INPP5E: variants seen among roughly 807,000 people sequenced by gnomAD.
The protein encoded by INPP5E is phosphatidylinositol polyphosphate 5-phosphatase type IV.
A neutral mutation model predicts 50.5 loss-of-function variants in INPP5E; 34 were observed. The ratio of observed to expected loss-of-function variants is 0.67; its 90% confidence interval spans 0.51 to 0.90. The LOEUF (loss-of-function observed/expected upper bound fraction) is 0.90, where lower values mean the gene tolerates loss of function less well. INPP5E is among the 40% of genes least tolerant of loss of function. The pLI is 0.00. For missense variants in INPP5E, 942 were observed against 905.5 expected (o/e 1.04, Z -0.52); for synonymous variants, 447 against 406.0 (o/e 1.10, Z -1.21).
At chr9:136,435,138 G>C (rs1194755903) in intron 1 of INPP5E, among the ~76,000 whole-genome samples, 1 of 152,118 alleles carries the variant, frequency 6.6e-6, no homozygotes, top group Non-Finnish European at 1.5e-5. Context: ...TTTGGTGGTG[G>C]GATCCTGGAA....
intron 5 of INPP5E, 122 bp downstream of exon 5, chr9:136,432,834 A>G (rs777201892): frequency 1.9e-4 from 256 of 1,329,830 alleles, no homozygotes; most frequent in Non-Finnish European, 2.6e-4. Flanking sequence ...CGTGGTGCCC[A>G]CCCCACGGCC....
rs989109675 is a variant in INPP5E, at chr9:136,439,060, G to C, written c.360C>G (p.Gly120=). 16 of 1,567,794 alleles carry C rather than the reference G, an allele frequency of 1.0e-5. No individual in the cohort carries two copies. Among genetic ancestry groups the C allele is most frequent in the Non-Finnish European group, 1.4e-5 (16 of 1,157,226 alleles). ...SPSRGSVQSE[G]PGAPAHSCSP... ...AGCAGCTGTGGGCGGGGGCCCCGGG[G>C]CCCTCGCTCTGCACTGAGCCCCTGG... The change falls in exon 1 of 10, where the codon GGC becomes GGG. Residue 120 remains glycine (G), a synonymous_variant. Transcript: ENST00000371712.
In INPP5E at chr9:136,430,367, A is replaced by G; in HGVS notation, c.1712T>C (p.Val571Ala). Residue 571 changes from valine (V) to alanine (A), a missense_variant, in exon 9 of 10, where the codon GTG becomes GCG. Val to Ala is a moderately conservative substitution (Grantham distance 64). Coordinates refer to ENST00000371712, the MANE Select transcript of INPP5E (RefSeq NM_019892.6). ...RSRHKGDICP[V>A]SYSSCPGIKT... ...GATCCCGGGGCAGGAAGAGTAGCTCACAGGACAGATGTCACCCTTGTGGCG... is the reference window on the plus strand; with the variant it reads ...GATCCCGGGGCAGGAAGAGTAGCTCGCAGGACAGATGTCACCCTTGTGGCG... The G allele has an allele frequency of 6.4e-7, 1 of 1,556,030 alleles. No homozygotes were observed. Among genetic ancestry groups the G allele is most frequent in the Non-Finnish European group, 8.7e-7 (1 of 1,148,670 alleles).
intron 2 of INPP5E, 110 bp from the exon 3 acceptor site, chr9:136,434,244 A>C (rs943305786): frequency 2.6e-6 from 2 of 780,270 alleles, no homozygotes; most frequent in Admixed American, 4.2e-5. Flanking sequence ...GAATGAGGGG[A>C]AACTGAGGCC....
chr9:136,439,024 G>A lies in INPP5E; in HGVS notation c.396C>T (p.Cys132=). ...GGATTTCCTGCAAGGAGGTGCTCAG[G>A]CAGGGCGGGGAGCAGCTGTGGGCGG... is the stretch of plus-strand genomic sequence containing the variant. ...GAPAHSCSPP[C]LSTSLQEIPK... is the part of the protein sequence containing the mutation. Residue 132 remains cysteine (C), a synonymous_variant, in exon 1 of 10, where the codon TGC becomes TGT. Transcript: ENST00000371712. 1 of 1,585,270 alleles carries A rather than the reference G, an allele frequency of 6.3e-7. No individual in the cohort carries two copies. Among genetic ancestry groups the A allele is most frequent in the Middle Eastern group, 1.8e-4 (1 of 5,640 alleles).
rs990175466 is a variant in INPP5E at position 136,438,855 on chromosome 9, G to A, written c.565C>T (p.Leu189=). Residue 189 remains leucine (L), a synonymous_variant, in exon 1 of 10, where the codon CTG becomes TTG. Coordinates refer to ENST00000371712, the MANE Select transcript of INPP5E (RefSeq NM_019892.6). ...AGSSPRLPSL[L]PPRPPPALSL... ...AGGGCAGGCGGTGGGCGCGGGGGCA[G>A]CAGGCTGGGCAGCCTGGGCGAGCTC... is the stretch of plus-strand genomic sequence containing the variant. 1.2e-6 allele frequency: 2 copies of A among 1,600,134 alleles called. No individual in the cohort carries two copies. The highest frequency in any genetic ancestry group is 2.3e-5 in the East Asian group (1 of 44,268).
At chr9:136,433,402 T>C in intron 3 of INPP5E, 123 bp from the exon 4 acceptor site, 1 of 1,392,554 alleles carries the variant, frequency 7.2e-7, no homozygotes. Flanking sequence ...CCTTGGTGTC[T>C]TGCGCGGAGA....
intron 8 of INPP5E, 21 bp downstream of exon 8, chr9:136,430,981 G>T: frequency 6.6e-7 from 1 of 1,509,766 alleles, no homozygotes; most frequent in Non-Finnish European, 9.2e-7. Context: ...ACTCTGCACC[G>T]CAGCGGTGGG....
chr9:136,438,942 G>A lies in INPP5E; in HGVS notation c.478C>T (p.Pro160Ser). ...ERGSPSSGGNPLSGVASSSPN... is the reference protein window; with the variant it reads ...ERGSPSSGGNSLSGVASSSPN... Reference sequence around the variant, plus strand: ...GAGCTGCTGGCCACCCCAGAGAGAGGGTTACCCCCCGAGGACGGGCTCCCT... The same window carrying A: ...GAGCTGCTGGCCACCCCAGAGAGAGAGTTACCCCCCGAGGACGGGCTCCCT... The change falls in exon 1 of 10, where the codon CCT (proline) becomes TCT (serine). Residue 160 changes from proline to serine, a missense_variant. Transcript: ENST00000371712. 6.4e-7 allele frequency: 1 copy of A among 1,569,552 alleles called. No homozygotes were observed. Among genetic ancestry groups the A allele is most frequent in the Non-Finnish European group, 8.6e-7 (1 of 1,157,758 alleles).
chr9:136,438,950 C>A lies in INPP5E; in HGVS notation c.470G>T (p.Gly157Val), dbSNP rs1375169715. 2 of 1,569,428 alleles carry A rather than the reference C, an allele frequency of 1.3e-6. No individual in the cohort carries two copies. Among genetic ancestry groups the A allele is most frequent in the South Asian group, 1.2e-5 (1 of 86,222 alleles). ...GGCCACCCCAGAGAGAGGGTTACCC[C>A]CCGAGGACGGGCTCCCTCTCTCACT... ...LSSERGSPSS[G>V]GNPLSGVASS... Residue 157 changes from glycine (G) to valine (V), a missense_variant, in exon 1 of 10, where the codon GGG becomes GTG. Gly to Val is a moderately radical substitution (Grantham distance 109). Transcript: ENST00000371712.
chr9:136,438,565 AACGAAGGCGGCGCGGGCGCTGC>A (rs1835889254), intron 1 of INPP5E, 21 bp downstream of exon 1: 2 of 1,498,456 alleles, frequency 1.3e-6, no homozygotes, highest in African/African-American at 2.9e-5. Context: ...TGAACACTAC[AACGAAGGCGGCGCGGGCGCTGC>A]ACCCGCCAGG....
rs13293790 is a variant in INPP5E at position 136,431,701 on chromosome 9, T to C, written c.1549+123A>G. Reference sequence around the variant, plus strand: ...ACGCCCGCCCCCCAGGCCCTCACCTTTCCTCATCTCCCTCCACGCCCGCCC... The same window carrying C: ...ACGCCCGCCCCCCAGGCCCTCACCTCTCCTCATCTCCCTCCACGCCCGCCC... On this transcript the variant is annotated intron_variant, in intron 7 of 9. Coordinates refer to ENST00000371712, the MANE Select transcript of INPP5E (RefSeq NM_019892.6). 5.5e-3 allele frequency: 148 copies of C among 26,908 alleles called. 10 individuals are homozygous for C. The highest frequency in any genetic ancestry group is 0.043 in the African/African-American group (44 of 1,018). 1.7% of individuals were successfully genotyped at this position (26,908 alleles called of 1,614,324 possible). A position where few individuals can be genotyped will look rare whatever the true frequency, so the allele number is the denominator to read the frequency against.
chr9:136,432,680 C>A (rs1461941256), intron 5 of INPP5E, 94 bp from the exon 6 acceptor site: 1 of 980,574 alleles, frequency 1.0e-6, no homozygotes, highest in Non-Finnish European at 1.6e-6. Context: ...TGACTGCGCA[C>A]CCCCGGCAGA....
chr9:136,432,477 A>T lies in INPP5E; in HGVS notation c.1387+2T>A. 1 of 1,543,406 alleles carries T rather than the reference A, an allele frequency of 6.5e-7. No individual in the cohort carries two copies. The highest frequency in any genetic ancestry group is 8.8e-7 in the Non-Finnish European group (1 of 1,140,706). On this transcript the variant is annotated splice_donor_variant, in intron 6 of 9. Coordinates refer to ENST00000371712, the MANE Select transcript of INPP5E (RefSeq NM_019892.6). LOFTEE classifies it high-confidence loss of function. ...ACCCACACGCAGCGTGGACGCCCTC[A>T]CCTGCGCTGGAGCGATAGGGGTTGG...
At position 136,429,780 on chromosome 9, in the gene INPP5E, A is replaced by C; in HGVS notation, c.1830T>G (p.Asp610Glu). The C allele has an allele frequency of 6.2e-7, 1 of 1,613,504 alleles. No individual in the cohort carries two copies. Among genetic ancestry groups the C allele is most frequent in the Non-Finnish European group, 8.5e-7 (1 of 1,179,838 alleles). Residue 610 changes from aspartate (D) to glutamate (E), a missense_variant, in exon 10 of 10, where the codon GAT becomes GAG. Transcript: ENST00000371712. ...TAATTCCTAGTAAGTACAGTTCTCT[A>C]TCAAATTTGCCAGCTGCCAACGGAA... ...DNIPLAAGKF[D>E]RELYLLGIKR...
At chr9:136,435,132 G>T (rs111700698) in intron 1 of INPP5E, among the ~76,000 whole-genome samples, 30 of 152,150 alleles carry the variant, frequency 2.0e-4, no homozygotes, top group African/African-American at 6.5e-4. Flanking sequence ...GGGCTTTTTG[G>T]TGGTGGGATC....
rs559636009 is a variant in INPP5E, at chr9:136,430,347, C to T, written c.1732G>A (p.Gly578Arg). ...GGGCGGTGGTCGGACGTCTTGATCCCGGGGCAGGAAGAGTAGCTCACAGGA... is the reference window on the plus strand; with the variant it reads ...GGGCGGTGGTCGGACGTCTTGATCCTGGGGCAGGAAGAGTAGCTCACAGGA... The part of the protein sequence containing the change: ...ICPVSYSSCP[G>R]IKTSDHRPVY... Residue 578 changes from glycine (G) to arginine (R), a missense_variant, in exon 9 of 10, where the codon GGG becomes AGG. Transcript: ENST00000371712. 25 of 1,554,234 alleles carry T rather than the reference C, an allele frequency of 1.6e-5. No homozygotes were observed. In the Admixed American group the frequency reaches 2.7e-4, roughly 17 times the overall value.
Position 136,438,910 on chromosome 9 carries a change from G to T in INPP5E, c.510C>A (p.Asn170Lys). 1.9e-6 allele frequency: 3 copies of T among 1,577,664 alleles called. No individual in the cohort carries two copies. The highest frequency in any genetic ancestry group is 1.1e-5 in the South Asian group (1 of 87,458). ...CCACGGCGGCGTCTCTGTGCGGGAG[G>T]TTCGGGGAGCTGCTGGCCACCCCAG... ...PLSGVASSSP[N>K]LPHRDAAVAG... is the part of the protein sequence containing the mutation. Residue 170 changes from asparagine (N) to lysine (K), a missense_variant, in exon 1 of 10, where the codon AAC becomes AAA. Physicochemically the swap from Asn to Lys is moderately conservative, Grantham distance 94. Coordinates refer to ENST00000371712, the MANE Select transcript of INPP5E (RefSeq NM_019892.6).
chr9:136,438,275 AAAC>A (rs1295808925), intron 1 of INPP5E: 1 of 395,962 alleles, frequency 2.5e-6, no homozygotes, highest in Non-Finnish European at 4.6e-6. Context: ...TAACAAACAA[AAAC>A]AACCAAAGGG....
Sources: allele counts gnomAD v4.1 joint callset (sites outside exome capture counted in the v4.1 genomes callset), GRCh38; gene constraint gnomAD v4.1.1; transcripts MANE v1.5; gene names NCBI Gene and HGNC (gene_info 2026-07-23, HGNC 2026-07-21).